The following NIPSNAP2 variants were observed in gnomAD, a reference collection of about 807,000 sequenced individuals.
The protein encoded by NIPSNAP2 is nipsnap homolog 2.
Under a neutral mutation model 48.4 loss-of-function variants are expected in NIPSNAP2, and 42 were observed. That is an observed-to-expected ratio of 0.87 (90% CI 0.68 to 1.12). The LOEUF (loss-of-function observed/expected upper bound fraction) is 1.12, where lower values mean the gene tolerates loss of function less well. NIPSNAP2 is among the 50% of genes most tolerant of loss of function. The pLI is 0.00. For missense variants in NIPSNAP2, 314 were observed against 347.3 expected (o/e 0.90, Z 0.76); for synonymous variants, 158 against 126.6 (o/e 1.25, Z -1.67).
chr7:55,994,655 G>C lies in NIPSNAP2; in HGVS notation c.618-239G>C, dbSNP rs568612478. Among the ~76,000 whole-genome samples, 4 of 152,324 alleles carry C rather than the reference G, an allele frequency of 2.6e-5. No individual in the cohort carries two copies. In the East Asian group the frequency reaches 7.7e-4, roughly 29 times the overall value. On this transcript the variant is annotated intron_variant, in intron 7 of 9. Transcript: ENST00000322090. ...TCGAACCCAGGAGGTGGAGGTTGCAGTGAGCTGAGATTGTGTCACTGCACT... is the reference window on the plus strand; with the variant it reads ...TCGAACCCAGGAGGTGGAGGTTGCACTGAGCTGAGATTGTGTCACTGCACT...
chr7:55,994,824 G>T (rs1279662512), intron 7 of NIPSNAP2, 70 bp from the exon 8 acceptor site: 1 of 1,298,070 alleles, frequency 7.7e-7, no homozygotes, highest in African/African-American at 1.5e-5. Context: ...TATGGTGAAG[G>T]TTTAGTCTAC....
At chr7:55,970,144 C>G (rs754862271) in intron 1 of NIPSNAP2, among the ~76,000 whole-genome samples, 1 of 151,918 alleles carries the variant, frequency 6.6e-6, no homozygotes, top group Non-Finnish European at 1.5e-5. Flanking sequence ...TCTCTTCATC[C>G]CCACTGCCAT....
intron 1 of NIPSNAP2, among the ~76,000 whole-genome samples, chr7:55,969,136 AG>A (rs1786961046): frequency 6.6e-6 from 1 of 152,206 alleles, no homozygotes; most frequent in Admixed American, 6.6e-5. Flanking sequence ...ATCTAGATGC[AG>A]GGCAGAAAAG....
At chr7:55,969,332 T>C (rs1398040847) in intron 1 of NIPSNAP2, among the ~76,000 whole-genome samples, 1 of 151,820 alleles carries the variant, frequency 6.6e-6, no homozygotes, top group Non-Finnish European at 1.5e-5. Context: ...TGTCAACCTC[T>C]TCTCTCCCCC....
intron 6 of NIPSNAP2, among the ~76,000 whole-genome samples, chr7:55,984,556 A>G: frequency 6.6e-6 from 1 of 151,964 alleles, no homozygotes; most frequent in East Asian, 1.9e-4. Context: ...ATCTCTTACT[A>G]AAAATATAAA....
At chr7:55,970,009 A>G (rs912750859) in intron 1 of NIPSNAP2, among the ~76,000 whole-genome samples, 2 of 150,356 alleles carry the variant, frequency 1.3e-5, no homozygotes, top group African/African-American at 2.4e-5. Context: ...AAAAGATCAT[A>G]TGAATGAAGC....
intron 7 of NIPSNAP2, among the ~76,000 whole-genome samples, chr7:55,988,708 C>G (rs944519147): frequency 6.6e-6 from 1 of 151,824 alleles, no homozygotes; most frequent in African/African-American, 2.4e-5. Context: ...AAAATAAATA[C>G]CAAAAACGTA....
At position 55,998,493 on chromosome 7, in the gene NIPSNAP2, G is replaced by GTTTTTTT. The variant is rs1164855630; in HGVS notation, c.797-495_797-489dup. On this transcript the variant is annotated intron_variant, in intron 9 of 9. Coordinates refer to ENST00000322090, the MANE Select transcript of NIPSNAP2 (RefSeq NM_001483.3). ...TAAAACAAATATCCAGGTAGGATCT[G>GTTTTTTT]TTTTTTTTTTTTTTTTTTTTTTTTT... Among the ~76,000 whole-genome samples the GTTTTTTT allele has an allele frequency of 1.0e-3, 65 of 63,200 alleles. 10 individuals are homozygous for GTTTTTTT. Among genetic ancestry groups the GTTTTTTT allele is most frequent in the South Asian group, 2.6e-3 (4 of 1,554 alleles). 41.5% of individuals were successfully genotyped at this position (63,200 alleles called of 152,430 possible).
At chr7:55,991,640 C>T (rs532692693) in intron 7 of NIPSNAP2, among the ~76,000 whole-genome samples, 3 of 151,122 alleles carry the variant, frequency 2.0e-5, no homozygotes, top group South Asian at 2.1e-4. Flanking sequence ...CCCAGCTACT[C>T]GGAAGGCTGA....
chr7:55,965,598 G>T (rs920251559), intron 1 of NIPSNAP2, among the ~76,000 whole-genome samples: 1 of 151,826 alleles, frequency 6.6e-6, no homozygotes, highest in African/African-American at 2.4e-5. Flanking sequence ...TTATATTTTT[G>T]AGACGGAGTT....
At chr7:55,971,381 C>T (rs918034136) in intron 1 of NIPSNAP2, among the ~76,000 whole-genome samples, 1 of 152,188 alleles carries the variant, frequency 6.6e-6, no homozygotes, top group African/African-American at 2.4e-5. Context: ...AGTCTCACCC[C>T]CTGCTCTGCA....
rs1209086723 is a variant in NIPSNAP2 at position 55,964,647 on chromosome 7, G to C, written c.38G>C (p.Trp13Ser). 1.4e-5 allele frequency: 15 copies of C among 1,093,240 alleles called. No individual in the cohort carries two copies. Among genetic ancestry groups the C allele is most frequent in the Non-Finnish European group, 1.7e-5 (15 of 900,456 alleles). The allele number at this position is 1,093,240 out of a possible 1,614,324, so 67.7% of individuals were successfully genotyped here. A position where few individuals can be genotyped will look rare whatever the true frequency, so the allele number is the denominator to read the frequency against. ...ARVLRARGAA[W>S]AGGLLQRAAP... ...GTGCTGCGCGCCCGCGGAGCGGCCT[G>C]GGCCGGCGGCCTCCTGCAGCGGGCG... is the stretch of plus-strand genomic sequence containing the variant. Residue 13 changes from tryptophan to serine, a missense_variant, in exon 1 of 10, where the codon TGG becomes TCG. By Grantham distance (177) the Trp-to-Ser change is radical. This residue lies in a region of NIPSNAP2 where 198 missense variants were observed against 185.5 expected (regional missense o/e 1.07). Coordinates refer to ENST00000322090, the MANE Select transcript of NIPSNAP2 (RefSeq NM_001483.3).
At chr7:55,978,999 A>G (rs1787159352) in intron 3 of NIPSNAP2, 1 of 152,414 alleles carries the variant, frequency 6.6e-6, no homozygotes, top group Admixed American at 6.5e-5. Flanking sequence ...CAGAAATAGT[A>G]TTTTAATGAC....
intron 8 of NIPSNAP2, among the ~76,000 whole-genome samples, chr7:55,996,724 G>C (rs1005008428): frequency 6.6e-5 from 10 of 152,294 alleles, no homozygotes; most frequent in African/African-American, 2.4e-4. Context: ...TCACTAGATT[G>C]TAAAGCTTAA....
chr7:55,975,031 C>T (rs991219774), intron 1 of NIPSNAP2, among the ~76,000 whole-genome samples: 48 of 151,828 alleles, frequency 3.2e-4, no homozygotes, highest in Non-Finnish European at 2.9e-5. Context: ...TAGGAAAAGG[C>T]AGAAAAGATC....
At chr7:55,979,826 ATTC>A (rs1460122136) in intron 3 of NIPSNAP2, 4 of 456,530 alleles carry the variant, frequency 8.8e-6, no homozygotes, top group Non-Finnish European at 1.8e-5. Context: ...CAATAATGGG[ATTC>A]TGCCCAACCC....
chr7:55,976,591 A>G (rs1423814457), intron 1 of NIPSNAP2, among the ~76,000 whole-genome samples: 1 of 152,184 alleles, frequency 6.6e-6, no homozygotes, highest in Non-Finnish European at 1.5e-5. Context: ...GCACATAGAT[A>G]TTTGTGAAGT....
chr7:55,987,166 A>G (rs1787348218), intron 7 of NIPSNAP2, among the ~76,000 whole-genome samples: 1 of 151,930 alleles, frequency 6.6e-6, no homozygotes, highest in Non-Finnish European at 1.5e-5. Flanking sequence ...AATAAAAAAT[A>G]AATTGAAAAT....
At chr7:55,966,712 G>T (rs1786902483) in intron 1 of NIPSNAP2, among the ~76,000 whole-genome samples, 1 of 152,220 alleles carries the variant, frequency 6.6e-6, no homozygotes, top group Admixed American at 6.5e-5. Flanking sequence ...AACCTGGGAG[G>T]TGGAGGTTGC....
Sources: gnomAD v4.1 joint callset for allele counts (sites outside exome capture counted in the v4.1 genomes callset) on GRCh38, gnomAD v4.1.1 for gene constraint, gnomAD v4.1.1 regional missense constraint, MANE v1.5 for transcripts, NCBI Gene and HGNC (gene_info 2026-07-23, HGNC 2026-07-21) for gene names.